Variants in THAP5 observed in about 807,000 individuals in gnomAD.
THAP5 encodes the protein THAP domain containing 5, also known as THAP domain-containing protein 5.
THAP5 carries 26 observed loss-of-function variants against 34.0 expected under a neutral mutation model. That is an observed-to-expected ratio of 0.77 (90% CI 0.56 to 1.06). The LOEUF (loss-of-function observed/expected upper bound fraction) is 1.06, where lower values mean the gene tolerates loss of function less well. Among genes scored for constraint, THAP5 ranks in the 50% least tolerant of loss-of-function variants. The probability of loss-of-function intolerance (pLI) is 0.00; values close to 1 mark genes in which losing one functional copy is unlikely to be tolerated. For missense variants in THAP5, 394 were observed against 452.8 expected (o/e 0.87, Z 1.18); for synonymous variants, 125 against 153.0 (o/e 0.82, Z 1.35).
chr7:108,556,920 C>T (rs935289416), intron 1 of THAP5, among the ~76,000 whole-genome samples: 2 of 152,268 alleles, frequency 1.3e-5, no homozygotes, highest in Admixed American at 1.3e-4. Flanking sequence ...CATTTCCATA[C>T]ATACTCTGAA....
Position 108,569,643 on chromosome 7 carries a change from C to T in THAP5, c.-74G>A, listed in dbSNP as rs1474463643. 6.5e-7 allele frequency: 1 copy of T among 1,529,514 alleles called. No individual in the cohort carries two copies. The highest frequency in any genetic ancestry group is 8.8e-7 in the Non-Finnish European group (1 of 1,134,942). 94.7% of individuals were successfully genotyped at this position (1,529,514 alleles called of 1,614,324 possible). A position where few individuals can be genotyped will look rare whatever the true frequency, so the allele number is the denominator to read the frequency against. On this transcript the variant is annotated 5_prime_UTR_variant, in exon 1 of 3. It adds an upstream start codon to the 5' untranslated region. Coordinates refer to ENST00000415914, the MANE Select transcript of THAP5 (RefSeq NM_001130475.3). ...GGCCCTCCTCACTGAGGATGCGCCACAGGTCCAGGCCTCTCGAGCCCCTGC... is the reference window on the plus strand; with the variant it reads ...GGCCCTCCTCACTGAGGATGCGCCATAGGTCCAGGCCTCTCGAGCCCCTGC...
chr7:108,564,810 C>A lies in THAP5; in HGVS notation c.569G>T (p.Arg190Ile). The A allele has an allele frequency of 1.2e-6, 2 of 1,613,504 alleles. No individual in the cohort carries two copies. Among genetic ancestry groups the A allele is most frequent in the Non-Finnish European group, 1.7e-6 (2 of 1,179,642 alleles). ...LETSVNQDTG[R>I]GGFHTCFENL... ...CTCAAAACATGTGTGAAAACCACCT[C>A]TACCTGTATCTTGGTTAACTGATGT... Residue 190 changes from arginine (R) to isoleucine (I), a missense_variant, in exon 3 of 3, where the codon AGA becomes ATA. Coordinates refer to ENST00000415914, the MANE Select transcript of THAP5 (RefSeq NM_001130475.3).
rs762851687 is a variant in THAP5 at position 108,564,574 on chromosome 7, C to T, written c.805G>A (p.Glu269Lys). The T allele has an allele frequency of 6.2e-7, 1 of 1,613,810 alleles. No individual in the cohort carries two copies. Among genetic ancestry groups the T allele is most frequent in the Non-Finnish European group, 8.5e-7 (1 of 1,179,878 alleles). The change falls in exon 3 of 3, where the codon GAA becomes AAA. Residue 269 changes from glutamate to lysine, a missense_variant. Physicochemically the swap from Glu to Lys is moderately conservative, Grantham distance 56. Transcript: ENST00000415914. ...QTVEELNTNK[E>K]SVIAIFVPAE... ...GGTACAAAAATGGCAATAACAGATT[C>T]TTTATTTGTGTTTAATTCTTCAACT... is the stretch of plus-strand genomic sequence containing the variant.
chr7:108,560,400 C>A (rs745710681), downstream of THAP5, among the ~76,000 whole-genome samples: 3 of 152,186 alleles, frequency 2.0e-5, no homozygotes, highest in Non-Finnish European at 4.4e-5. Flanking sequence ...TGACCCTTCC[C>A]CATCATATTC....
rs1469690898 is a variant in THAP5, at chr7:108,566,041, A to AT, written c.81-20_81-19insA. 6.0e-6 allele frequency: 9 copies of AT among 1,491,716 alleles called. No individual in the cohort carries two copies. Among genetic ancestry groups the AT allele is most frequent in the Non-Finnish European group, 7.1e-6 (8 of 1,124,590 alleles). 92.4% of individuals were successfully genotyped at this position (1,491,716 alleles called of 1,614,324 possible). ...AGGAAATCTGGAATTTAAAAAAAAA[A>AT]GAAGAAAAAAGGAAAAACTTTGCTA... is the stretch of plus-strand genomic sequence containing the variant. On this transcript the variant is annotated intron_variant, in intron 1 of 2. Transcript: ENST00000415914.
In THAP5 at chr7:108,564,456, T is replaced by C. The variant is rs188051889; in HGVS notation, c.923A>G (p.Tyr308Cys). ...TTCTGTCCCATAGTCTACATCCTTA[T>C]ACAAGGAGTCTTCAATGTCTGTGTC... ...MEDTDIEDSL[Y>C]KDVDYGTEVL... Residue 308 changes from tyrosine (Y) to cysteine (C), a missense_variant, in exon 3 of 3, where the codon TAT becomes TGT. Coordinates refer to ENST00000415914, the MANE Select transcript of THAP5 (RefSeq NM_001130475.3). The C allele has an allele frequency of 5.1e-4, 825 of 1,613,958 alleles. 3 individuals are homozygous for C. The highest frequency in any genetic ancestry group is 5.6e-4 in the East Asian group (25 of 44,812).
At chr7:108,543,013 G>A in the THAP5 span, among the ~76,000 whole-genome samples, 1 of 151,686 alleles carries the variant, frequency 6.6e-6, no homozygotes, top group Non-Finnish European at 1.5e-5. Flanking sequence ...TGGAACCTCC[G>A]TCTCCCAGGT....
At chr7:108,548,211 C>T in the THAP5 span, among the ~76,000 whole-genome samples, 2 of 152,176 alleles carry the variant, frequency 1.3e-5, no homozygotes, top group Admixed American at 1.3e-4. Flanking sequence ...TATATGCTGA[C>T]TGTCTCAATG....
At chr7:108,559,441 A>G (rs1344890084), downstream of THAP5, among the ~76,000 whole-genome samples, 1 of 152,202 alleles carries the variant, frequency 6.6e-6, no homozygotes, top group African/African-American at 2.4e-5. Flanking sequence ...TTAATTAGAC[A>G]TTGCATACTA....
the THAP5 span, among the ~76,000 whole-genome samples, chr7:108,547,863 G>A: frequency 6.6e-6 from 1 of 152,164 alleles, no homozygotes; most frequent in Admixed American, 6.5e-5. Flanking sequence ...AATGGCACAA[G>A]GTAAGATGTA....
At chr7:108,554,879 TAGAG>T (rs1457333623) in intron 1 of THAP5, 1 of 152,150 alleles carries the variant, frequency 6.6e-6, no homozygotes, top group Admixed American at 6.5e-5. Flanking sequence ...CAAAGAGAAA[TAGAG>T]AGATTTTAAA....
downstream of THAP5, among the ~76,000 whole-genome samples, chr7:108,558,381 G>GTATATA (rs66806128): frequency 0.022 from 2,095 of 93,780 alleles, 48 homozygotes; most frequent in South Asian, 0.031. Flanking sequence ...GTGTGTGTAT[G>GTATATA]TATATATATA....
At chr7:108,555,390 A>G (rs1318581981) in intron 1 of THAP5, among the ~76,000 whole-genome samples, 2 of 151,636 alleles carry the variant, frequency 1.3e-5, no homozygotes, top group Admixed American at 6.6e-5. Flanking sequence ...CTGGTTTCAA[A>G]CTCCTGACCT....
chr7:108,561,922 A>G (rs1389258882), downstream of THAP5, among the ~76,000 whole-genome samples: 1 of 152,218 alleles, frequency 6.6e-6, no homozygotes, highest in Non-Finnish European at 1.5e-5. Flanking sequence ...GAGAATGATT[A>G]TTATGGTCCA....
At chr7:108,554,688 C>G (rs998828836) in exon 2 of THAP5, 48 of 152,266 alleles carry the variant, frequency 3.2e-4, no homozygotes, top group African/African-American at 1.1e-3. Context: ...ATCATCCATC[C>G]ATCCATCTAG....
At chr7:108,555,327 G>A (rs1864378609) in intron 1 of THAP5, among the ~76,000 whole-genome samples, 1 of 152,030 alleles carries the variant, frequency 6.6e-6, no homozygotes, top group African/African-American at 2.4e-5. Flanking sequence ...ACCATGCCCA[G>A]TTAATTTTTT....
At chr7:108,543,684 A>G in the THAP5 span, among the ~76,000 whole-genome samples, 1 of 152,142 alleles carries the variant, frequency 6.6e-6, no homozygotes, top group African/African-American at 2.4e-5. Context: ...AGTATTTTTT[A>G]TTGCTATACT....
At chr7:108,557,527 G>A (rs559434446), downstream of THAP5, among the ~76,000 whole-genome samples, 1 of 152,260 alleles carries the variant, frequency 6.6e-6, no homozygotes, top group South Asian at 2.1e-4. Context: ...CTAGAGCAGG[G>A]GCACAATGCC....
chr7:108,544,064 A>G, the THAP5 span, among the ~76,000 whole-genome samples: 7 of 152,334 alleles, frequency 4.6e-5, no homozygotes, highest in Admixed American at 4.6e-4. Context: ...AAGATCAAAA[A>G]GAAATTCTGA....
Sources: allele counts gnomAD v4.1 joint callset (sites outside exome capture counted in the v4.1 genomes callset), GRCh38; gene constraint gnomAD v4.1.1; transcripts MANE v1.5; gene names NCBI Gene and HGNC (gene_info 2026-07-23, HGNC 2026-07-21).